Variants in TANGO2 observed in about 807,000 individuals in gnomAD.
TANGO2 encodes the protein transport and golgi organization 2 homolog.
A neutral mutation model predicts 39.1 loss-of-function variants in TANGO2; 26 were observed. The ratio of observed to expected loss-of-function variants is 0.67; its 90% CI spans 0.49 to 0.92. TANGO2 has a LOEUF of 0.92. Ranked by LOEUF, TANGO2 falls within the 40% of genes least tolerant of loss-of-function variation. The pLI, the probability that TANGO2 is intolerant of heterozygous loss-of-function variation, is 0.00. For missense variants in TANGO2, 326 were observed against 360.1 expected, an observed-to-expected ratio of 0.91 and a Z score of 0.77; for synonymous variants, 131 against 144.5, an observed-to-expected ratio of 0.91 and a Z score of 0.67.
At position 20,047,630 on chromosome 22, in the gene TANGO2, C is replaced by T. The variant is rs113168070; in HGVS notation, c.145+4187C>T. Among the ~76,000 whole-genome samples the T allele has an allele frequency of 6.6e-5, 10 of 152,148 alleles. 1 individual carries two copies. Among genetic ancestry groups the T allele is most frequent in the Non-Finnish European group, 1.5e-4 (10 of 68,032 alleles). On this transcript the variant is annotated intron_variant, in intron 3 of 8. Transcript: ENST00000327374. ...TCTTAGTTTCCCCAAACACTAAGCC[C>T]CTCTTCTCAGCTCAGGGAGTCTGCT...
In TANGO2 at chr22:20,052,493, A is replaced by C. The variant is rs2046543422; in HGVS notation, c.174A>C (p.Gly58=). The C allele has an allele frequency of 6.2e-7, 1 of 1,606,678 alleles. No individual in the cohort carries two copies. Among genetic ancestry groups the C allele is most frequent in the Non-Finnish European group, 8.5e-7 (1 of 1,176,776 alleles). ...TGGACATGGAGGAAGGCAAGGAAGGAGGCACATGGCTGGGCATCAGCACAC... is the reference window on the plus strand; with the variant it reads ...TGGACATGGAGGAAGGCAAGGAAGGCGGCACATGGCTGGGCATCAGCACAC... ...SGLDMEEGKE[G]GTWLGISTRG... The change falls in exon 4 of 9, where the codon GGA becomes GGC. Residue 58 remains glycine (G), a synonymous_variant. Coordinates refer to ENST00000327374, the MANE Select transcript of TANGO2 (RefSeq NM_152906.7).
chr22:20,055,973 T>C lies in TANGO2; in HGVS notation c.411T>C (p.Tyr137=), dbSNP rs770723076. The C allele has an allele frequency of 6.2e-7, 1 of 1,614,146 alleles. No homozygotes were observed. Residue 137 remains tyrosine (Y), a synonymous_variant, in exon 6 of 9, where the codon TAT becomes TAC. Coordinates refer to ENST00000327374, the MANE Select transcript of TANGO2 (RefSeq NM_152906.7). Reference sequence around the variant, plus strand: ...CAAAGGGAGACGTCATTTGCTACTATGGGAACCGAGGGGAGCCTGATCCTA... The same window carrying C: ...CAAAGGGAGACGTCATTTGCTACTACGGGAACCGAGGGGAGCCTGATCCTA... ...STAKGDVICY[Y]GNRGEPDPIV... is the part of the protein sequence containing the mutation.
intron 2 of TANGO2, among the ~76,000 whole-genome samples, chr22:20,041,985 C>CT (rs769326660): frequency 0.013 from 1,877 of 141,778 alleles, 12 homozygotes; most frequent in African/African-American, 0.02. Context: ...TCAGCCATCA[C>CT]TTTTTTTTTT....
At position 20,063,097 on chromosome 22, in the gene TANGO2, A is replaced by C; in HGVS notation, c.606-241A>C. ...CTTGAACTCGGGAGGTGGAAGTTGC[A>C]GTGAGCCAAGATCGTACCATTGCGC... On this transcript the variant is annotated intron_variant, in intron 7 of 8. Transcript: ENST00000327374. 3 of 432,390 alleles carry C rather than the reference A, an allele frequency of 6.9e-6. 1 individual carries two copies. Among genetic ancestry groups the C allele is most frequent in the East Asian group, 3.7e-5 (1 of 27,304 alleles). 26.8% of individuals were successfully genotyped at this position (432,390 alleles called of 1,614,324 possible). A position where few individuals can be genotyped will look rare whatever the true frequency, so the allele number is the denominator to read the frequency against.
intron 3 of TANGO2, among the ~76,000 whole-genome samples, chr22:20,049,647 C>T (rs1169887453): frequency 1.6e-4 from 22 of 137,120 alleles, no homozygotes; most frequent in African/African-American, 5.6e-4. Context: ...GTAACAAGAG[C>T]GAAACTCTGT....
At chr22:20,036,892 G>C (rs1216328324) in intron 2 of TANGO2, 38 bp downstream of exon 2, 2 of 1,614,096 alleles carry the variant, frequency 1.2e-6, no homozygotes, top group Non-Finnish European at 1.7e-6. Context: ...GCCCTGCAGG[G>C]TCCTGGGTGC....
At chr22:20,053,826 C>T (rs1031263276) in intron 5 of TANGO2, 23 of 489,542 alleles carry the variant, frequency 4.7e-5, no homozygotes, top group Non-Finnish European at 8.8e-5. Flanking sequence ...TAGAGTGGCT[C>T]TGGCCGGGTG....
intron 6 of TANGO2, among the ~76,000 whole-genome samples, chr22:20,058,655 AC>A (rs2047823798): frequency 2.0e-5 from 3 of 150,940 alleles, no homozygotes; most frequent in Admixed American, 1.3e-4. Context: ...AAAAAAAAAA[AC>A]AAAGAAAAAC....
At chr22:20,028,453 C>A (rs1010998263) in intron 1 of TANGO2, among the ~76,000 whole-genome samples, 1 of 152,188 alleles carries the variant, frequency 6.6e-6, no homozygotes, top group African/African-American at 2.4e-5. Flanking sequence ...TGTTTCCCTC[C>A]AGAATGTGCT....
intron 1 of TANGO2, among the ~76,000 whole-genome samples, chr22:20,021,974 C>T (rs1213116093): frequency 1.3e-5 from 2 of 152,252 alleles, no homozygotes; most frequent in Admixed American, 1.3e-4. Flanking sequence ...CCTGCCCTGG[C>T]CAGGCCTGTT....
chr22:20,047,230 T>C (rs1011453415), intron 3 of TANGO2, among the ~76,000 whole-genome samples: 3 of 150,114 alleles, frequency 2.0e-5, no homozygotes, highest in African/African-American at 7.3e-5. Context: ...TTTGGTTTGT[T>C]TGTTTTTTTT....
intron 1 of TANGO2, among the ~76,000 whole-genome samples, chr22:20,024,812 G>A (rs2040420819): frequency 6.6e-6 from 1 of 152,166 alleles, no homozygotes; most frequent in Non-Finnish European, 1.5e-5. Context: ...CCAAAGGGAA[G>A]TGGTTCCGCC....
At chr22:20,028,376 A>T (rs780099904) in intron 1 of TANGO2, among the ~76,000 whole-genome samples, 1 of 152,186 alleles carries the variant, frequency 6.6e-6, no homozygotes, top group Non-Finnish European at 1.5e-5. Context: ...TAGCCTCCCA[A>T]AGTGCTGGGA....
At chr22:20,042,156 A>T (rs1331683630) in intron 2 of TANGO2, among the ~76,000 whole-genome samples, 2 of 149,652 alleles carry the variant, frequency 1.3e-5, no homozygotes, top group Admixed American at 6.7e-5. Context: ...TAATTTTTGT[A>T]TTTTTTTTTT....
At chr22:20,056,055 C>T in intron 6 of TANGO2, 42 bp downstream of exon 6, 1 of 1,503,440 alleles carries the variant, frequency 6.7e-7, no homozygotes, top group Non-Finnish European at 9.3e-7. Context: ...GGGACTGTTT[C>T]TATGCAGAGG....
intron 1 of TANGO2, among the ~76,000 whole-genome samples, chr22:20,026,355 G>A (rs1003277738): frequency 1.1e-4 from 16 of 151,562 alleles, no homozygotes; most frequent in East Asian, 1.9e-4. Context: ...CTGAGATCGC[G>A]CCGTTGAACT....
intron 6 of TANGO2, among the ~76,000 whole-genome samples, chr22:20,058,626 A>G (rs1476226143): frequency 1.3e-5 from 2 of 148,930 alleles, no homozygotes; most frequent in Non-Finnish European, 1.5e-5. Flanking sequence ...TGGGCGACAG[A>G]GTGAGATTGC....
intron 7 of TANGO2, among the ~76,000 whole-genome samples, chr22:20,062,770 C>T (rs1189702271): frequency 6.6e-6 from 1 of 152,140 alleles, no homozygotes; most frequent in Admixed American, 6.5e-5. Flanking sequence ...GGGGCCAAAG[C>T]TCCACGATTG....
rs2044325785 is a variant in TANGO2 at position 20,043,252 on chromosome 22, C to T, written c.57-103C>T. ...TGCCGGCTTCCTGCCCTCTCTGAGACTGGCCCTTGTTGCCACTGAGGCCAG... is the reference window on the plus strand; with the variant it reads ...TGCCGGCTTCCTGCCCTCTCTGAGATTGGCCCTTGTTGCCACTGAGGCCAG... On this transcript the variant is annotated intron_variant, in intron 2 of 8. Coordinates refer to ENST00000327374, the MANE Select transcript of TANGO2 (RefSeq NM_152906.7). 1.7e-5 allele frequency: 14 copies of T among 806,044 alleles called. 1 individual carries two copies. The South Asian group carries it at 2.0e-4, about 12-fold the overall frequency. 49.9% of individuals were successfully genotyped at this position (806,044 alleles called of 1,614,324 possible). A position where few individuals can be genotyped will look rare whatever the true frequency, so the allele number is the denominator to read the frequency against.
Sources: gnomAD v4.1 joint callset for allele counts (sites outside exome capture counted in the v4.1 genomes callset) on GRCh38, gnomAD v4.1.1 for gene constraint, MANE v1.5 for transcripts, NCBI Gene and HGNC (gene_info 2026-07-23, HGNC 2026-07-21) for gene names.